SAMTOR: variants seen among roughly 807,000 people sequenced by gnomAD.
SAMTOR encodes S-adenosylmethionine sensor upstream of mTORC1, also known as UPF0532 protein C7orf60.
the SAMTOR span, among the ~76,000 whole-genome samples, chr7:112,929,959 A>T: frequency 1.2e-4 from 17 of 146,512 alleles, no homozygotes; most frequent in East Asian, 3.7e-3. Context: ...ATTTCATTAA[A>T]TTTGAGGGCC....
At chr7:112,937,272 T>G in the SAMTOR span, among the ~76,000 whole-genome samples, 1 of 152,184 alleles carries the variant, frequency 6.6e-6, no homozygotes, top group Admixed American at 6.5e-5. Context: ...AGCTGGAATT[T>G]TCACTGCATT....
At chr7:112,865,039 C>T in the SAMTOR span, among the ~76,000 whole-genome samples, 1 of 152,180 alleles carries the variant, frequency 6.6e-6, no homozygotes. Context: ...CAGGTGTGAG[C>T]CACCAGCCCT....
chr7:112,875,154 A>G, the SAMTOR span, among the ~76,000 whole-genome samples: 1 of 152,036 alleles, frequency 6.6e-6, no homozygotes, highest in Non-Finnish European at 1.5e-5. Flanking sequence ...TGCTTATAAA[A>G]CCTGACCCAG....
the SAMTOR span, among the ~76,000 whole-genome samples, chr7:112,881,150 T>C: frequency 6.6e-6 from 1 of 152,228 alleles, no homozygotes; most frequent in Non-Finnish European, 1.5e-5. Context: ...CAGGCATTGT[T>C]GTAACCTGGC....
At chr7:112,832,751 C>T in the SAMTOR span, 2 of 994,106 alleles carry the variant, frequency 2.0e-6, no homozygotes, top group East Asian at 2.5e-5. Flanking sequence ...AGTTCTTTAA[C>T]TTTTTGGTCT....
At chr7:112,849,493 T>C in the SAMTOR span, among the ~76,000 whole-genome samples, 87 of 152,302 alleles carry the variant, frequency 5.7e-4, no homozygotes, top group Middle Eastern at 6.8e-3. Flanking sequence ...CCATTCTAAC[T>C]ATACAATTTT....
the SAMTOR span, among the ~76,000 whole-genome samples, chr7:112,937,099 TGACA>T: frequency 6.6e-6 from 1 of 152,340 alleles, no homozygotes; most frequent in East Asian, 1.9e-4. Context: ...AATATCTGGC[TGACA>T]ATTTCCAGTT....
At chr7:112,856,803 TGAACTAAAA>T in the SAMTOR span, among the ~76,000 whole-genome samples, 1 of 152,176 alleles carries the variant, frequency 6.6e-6, no homozygotes, top group Admixed American at 6.5e-5. Flanking sequence ...CAATTCTTTT[TGAACTAAAA>T]GAAATGAGGA....
the SAMTOR span, among the ~76,000 whole-genome samples, chr7:112,918,190 C>A: frequency 6.6e-6 from 1 of 152,114 alleles, no homozygotes; most frequent in African/African-American, 2.4e-5. Context: ...TTAAAGGCAG[C>A]CAGAGAGAAA....
chr7:112,884,721 G>A, the SAMTOR span, among the ~76,000 whole-genome samples: 1 of 152,198 alleles, frequency 6.6e-6, no homozygotes, highest in African/African-American at 2.4e-5. Flanking sequence ...CTGGTGTTGA[G>A]TGTCTGTGGC....
chr7:112,871,859 C>T, the SAMTOR span, among the ~76,000 whole-genome samples: 1 of 152,112 alleles, frequency 6.6e-6, no homozygotes, highest in African/African-American at 2.4e-5. Flanking sequence ...TCCCTAGAGA[C>T]TACTACGAAC....
the SAMTOR span, among the ~76,000 whole-genome samples, chr7:112,916,725 G>A: frequency 6.6e-6 from 1 of 152,140 alleles, no homozygotes; most frequent in African/African-American, 2.4e-5. Context: ...CTGGAAAATC[G>A]GGTCACTCCC....
the SAMTOR span, among the ~76,000 whole-genome samples, chr7:112,864,876 T>G: frequency 6.6e-6 from 1 of 152,174 alleles, no homozygotes; most frequent in African/African-American, 2.4e-5. Flanking sequence ...CGCCTCAGTC[T>G]CCCAAGTAGC....
At chr7:112,901,092 T>A in the SAMTOR span, among the ~76,000 whole-genome samples, 1 of 152,108 alleles carries the variant, frequency 6.6e-6, no homozygotes. Flanking sequence ...GTCAAGAGAA[T>A]GAAAAGAAAA....
chr7:112,846,924 T>C, the SAMTOR span, among the ~76,000 whole-genome samples: 1 of 152,250 alleles, frequency 6.6e-6, no homozygotes, highest in East Asian at 1.9e-4. Flanking sequence ...TTTTAATTAC[T>C]GCTTATAATT....
chr7:112,878,420 T>TC, the SAMTOR span, among the ~76,000 whole-genome samples: 5 of 152,060 alleles, frequency 3.3e-5, no homozygotes, highest in Admixed American at 3.3e-4. Context: ...ATTCTCTTCC[T>TC]CCCCCAACTC....
the SAMTOR span, among the ~76,000 whole-genome samples, chr7:112,845,370 T>C: frequency 1.3e-5 from 2 of 151,978 alleles, no homozygotes; most frequent in African/African-American, 4.8e-5. Flanking sequence ...CCAGCATCTA[T>C]AAAGAACCTA....
chr7:112,902,439 C>CCAA, the SAMTOR span, among the ~76,000 whole-genome samples: 1 of 81,460 alleles, frequency 1.2e-5, no homozygotes, highest in African/African-American at 4.9e-5. Flanking sequence ...CAAAAAAAAA[C>CCAA]AAAAAAAAAC....
the SAMTOR span, among the ~76,000 whole-genome samples, chr7:112,826,816 CA>C: frequency 1.3e-5 from 2 of 152,108 alleles, no homozygotes; most frequent in Non-Finnish European, 2.9e-5. Context: ...ATTTTTATTT[CA>C]AAAAAGTTCT....
Sources: allele counts gnomAD v4.1 joint callset (sites outside exome capture counted in the v4.1 genomes callset), GRCh38; gene constraint gnomAD v4.1.1; transcripts MANE v1.5; gene names NCBI Gene and HGNC (gene_info 2026-07-23, HGNC 2026-07-21).